SH3PXD2A: variants seen among roughly 807,000 people sequenced by gnomAD.
SH3PXD2A encodes SH3 and PX domain-containing protein 2A.
SH3PXD2A carries 32 observed loss-of-function variants against 115.2 expected under a neutral mutation model. That is an observed-to-expected ratio of 0.28 (90% CI 0.21 to 0.37). The LOEUF is 0.37. Among genes scored for constraint, SH3PXD2A ranks in the 10% least tolerant of loss-of-function variants. The pLI, the probability that SH3PXD2A is intolerant of heterozygous loss-of-function variation, is 1.00. For missense variants in SH3PXD2A, 1,328 were observed against 1,498.7 expected, an observed-to-expected ratio of 0.89 and a Z score of 1.88; for synonymous variants, 610 against 629.1, an observed-to-expected ratio of 0.97 and a Z score of 0.45.
chr10:103,704,940 CA>C (rs1463695674), intron 5 of SH3PXD2A, among the ~76,000 whole-genome samples: 2 of 152,154 alleles, frequency 1.3e-5, no homozygotes, highest in African/African-American at 2.4e-5. Context: ...TGGGCTTTTG[CA>C]AAGAGGCCTC....
At chr10:103,847,093 T>C (rs1401075235) in intron 1 of SH3PXD2A, among the ~76,000 whole-genome samples, 1 of 152,228 alleles carries the variant, frequency 6.6e-6, no homozygotes, top group Non-Finnish European at 1.5e-5. Flanking sequence ...TTTACTAGAC[T>C]ATCTGGGAGT....
intron 5 of SH3PXD2A, among the ~76,000 whole-genome samples, chr10:103,699,482 G>A (rs1316636809): frequency 6.6e-6 from 1 of 152,166 alleles, no homozygotes; most frequent in Non-Finnish European, 1.5e-5. Flanking sequence ...GGGCTATTGT[G>A]AGAATTCGAA....
At chr10:103,704,752 C>T (rs2134149302) in intron 5 of SH3PXD2A, among the ~76,000 whole-genome samples, 1 of 152,300 alleles carries the variant, frequency 6.6e-6, no homozygotes, top group East Asian at 1.9e-4. Context: ...TGGGGGCTTC[C>T]CCAGGGTCTG....
intron 3 of SH3PXD2A, among the ~76,000 whole-genome samples, chr10:103,744,781 C>A (rs1024158096): frequency 6.6e-6 from 1 of 152,224 alleles, no homozygotes; most frequent in African/African-American, 2.4e-5. Context: ...GGTCAGCAGC[C>A]TGAGGCATAC....
At chr10:103,735,671 GGCCCCTCTCCTCCCTGAAGCCCTCCCCGA>G in intron 4 of SH3PXD2A, 32 bp downstream of exon 4, 1 of 1,290,002 alleles carries the variant, frequency 7.8e-7, no homozygotes. Flanking sequence ...CAGGCAAATG[GGCCCCTCTCCTCCCTGAAGCCCTCCCCGA>G]GCCCCTCCCC....
chr10:103,758,669 C>G (rs2038667871), intron 3 of SH3PXD2A, among the ~76,000 whole-genome samples: 1 of 152,176 alleles, frequency 6.6e-6, no homozygotes, highest in Admixed American at 6.5e-5. Context: ...GAAAACTGCC[C>G]GTCCAGATTA....
intron 9 of SH3PXD2A, among the ~76,000 whole-genome samples, chr10:103,625,273 G>A (rs962131790): frequency 2.6e-5 from 4 of 152,204 alleles, no homozygotes; most frequent in Admixed American, 6.5e-5. Context: ...CAACAGCTCC[G>A]CTCTGACCTT....
At chr10:103,810,843 C>CAT (rs1267753682) in intron 1 of SH3PXD2A, among the ~76,000 whole-genome samples, 2 of 150,036 alleles carry the variant, frequency 1.3e-5, no homozygotes, top group Non-Finnish European at 3.0e-5. Context: ...ACACAACACA[C>CAT]ACACACAGAC....
At position 103,603,597 on chromosome 10, in the gene SH3PXD2A, C is replaced by T. The variant is rs780286964; in HGVS notation, c.1621G>A (p.Ala541Thr). The change falls in exon 15 of 15, where the codon GCC (alanine) becomes ACC (threonine). Residue 541 changes from alanine to threonine, a missense_variant. By Grantham distance (58) the Ala-to-Thr change is moderately conservative. Coordinates refer to ENST00000369774, the MANE Select transcript of SH3PXD2A (RefSeq NM_001394015.1). ...CGCGGGGAGTCCTGGCTCTCACTGGCCCCCGTAGGGCCCTCCTCGGCCTCC... is the reference window on the plus strand; with the variant it reads ...CGCGGGGAGTCCTGGCTCTCACTGGTCCCCGTAGGGCCCTCCTCGGCCTCC... The part of the protein sequence containing the change: ...PKEAEEGPTG[A>T]SESQDSPRKL... 7 of 1,606,558 alleles carry T rather than the reference C, an allele frequency of 4.4e-6. No homozygotes were observed. Among genetic ancestry groups the T allele is most frequent in the Admixed American group, 3.4e-5 (2 of 59,254 alleles).
intron 5 of SH3PXD2A, among the ~76,000 whole-genome samples, chr10:103,721,056 A>G (rs1315198621): frequency 6.6e-6 from 1 of 152,230 alleles, no homozygotes; most frequent in Non-Finnish European, 1.5e-5. Context: ...ACCTCAAGAA[A>G]GAGGCAGATA....
At chr10:103,671,900 C>T (rs2037466352) in intron 6 of SH3PXD2A, among the ~76,000 whole-genome samples, 2 of 152,244 alleles carry the variant, frequency 1.3e-5, no homozygotes, top group Admixed American at 6.5e-5. Flanking sequence ...AGCAGGGTCA[C>T]TGGCCTGCTA....
intron 8 of SH3PXD2A, among the ~76,000 whole-genome samples, chr10:103,653,901 C>T (rs971162944): frequency 1.3e-5 from 2 of 151,988 alleles, no homozygotes. Context: ...ACCAGCTTCC[C>T]GAGGCCCCAC....
At chr10:103,705,001 C>G (rs1417976251) in intron 5 of SH3PXD2A, among the ~76,000 whole-genome samples, 1 of 152,096 alleles carries the variant, frequency 6.6e-6, no homozygotes, top group Non-Finnish European at 1.5e-5. Flanking sequence ...AGCAGGGGGG[C>G]CATCCAGGAA....
intron 2 of SH3PXD2A, among the ~76,000 whole-genome samples, chr10:103,791,781 T>TG (rs2039039254): frequency 6.6e-6 from 1 of 151,970 alleles, no homozygotes; most frequent in Admixed American, 6.6e-5. Flanking sequence ...CACGAGAAGT[T>TG]GCAAACTCCA....
At chr10:103,694,501 A>T (rs1180041786) in intron 5 of SH3PXD2A, among the ~76,000 whole-genome samples, 6 of 151,462 alleles carry the variant, frequency 4.0e-5, no homozygotes, top group African/African-American at 1.2e-4. Context: ...GACCTTTCCC[A>T]AAACTTAGAA....
intron 5 of SH3PXD2A, among the ~76,000 whole-genome samples, chr10:103,710,949 T>C (rs1045686042): frequency 5.9e-5 from 9 of 152,240 alleles, no homozygotes; most frequent in African/African-American, 2.2e-4. Flanking sequence ...GGCAGGAGGA[T>C]TGCTTGAGCC....
chr10:103,661,708 G>T (rs185122458), intron 7 of SH3PXD2A: 2 of 985,174 alleles, frequency 2.0e-6, no homozygotes, highest in East Asian at 2.3e-4. Context: ...GCTTCTCCAC[G>T]GCCCAGGCCC....
At chr10:103,667,023 G>A (rs1212952022) in intron 7 of SH3PXD2A, among the ~76,000 whole-genome samples, 1 of 152,178 alleles carries the variant, frequency 6.6e-6, no homozygotes, top group African/African-American at 2.4e-5. Flanking sequence ...GGGATGCCAG[G>A]CTAAGCAACC....
intron 6 of SH3PXD2A, among the ~76,000 whole-genome samples, chr10:103,691,674 C>G (rs1395993081): frequency 6.6e-6 from 1 of 152,092 alleles, no homozygotes; most frequent in African/African-American, 2.4e-5. Flanking sequence ...CATCCCACAG[C>G]TAGACATGTC....
Sources: gnomAD v4.1 joint callset for allele counts (sites outside exome capture counted in the v4.1 genomes callset) on GRCh38, gnomAD v4.1.1 for gene constraint, MANE v1.5 for transcripts, NCBI Gene and HGNC (gene_info 2026-07-23, HGNC 2026-07-21) for gene names.